The following ENTREP2 variants were observed in gnomAD, a reference collection of about 807,000 sequenced individuals.
The protein encoded by ENTREP2 is protein ENTREP2.
At chr15:29,247,627 A>G in the ENTREP2 span, among the ~76,000 whole-genome samples, 2 of 152,234 alleles carry the variant, frequency 1.3e-5, no homozygotes, top group South Asian at 2.1e-4. Context: ...GCATGCAATG[A>G]TAACACTGGC....
At chr15:29,370,901 A>G in the ENTREP2 span, among the ~76,000 whole-genome samples, 1 of 152,158 alleles carries the variant, frequency 6.6e-6, no homozygotes, top group Non-Finnish European at 1.5e-5. Flanking sequence ...AACACATCAT[A>G]GAAGACACTA....
chr15:29,496,145 T>C, the ENTREP2 span, among the ~76,000 whole-genome samples: 6 of 152,062 alleles, frequency 3.9e-5, no homozygotes, highest in South Asian at 2.1e-4. Context: ...ATTTATGTTA[T>C]TATTTTTGAT....
At chr15:29,568,710 C>CAAAA in the ENTREP2 span, among the ~76,000 whole-genome samples, 30 of 128,240 alleles carry the variant, frequency 2.3e-4, no homozygotes, top group African/African-American at 4.2e-4. Context: ...CCTCTTAAGG[C>CAAAA]AAAAAAAAAA....
At chr15:29,572,717 T>C in the ENTREP2 span, among the ~76,000 whole-genome samples, 1 of 152,054 alleles carries the variant, frequency 6.6e-6, no homozygotes, top group Non-Finnish European at 1.5e-5. Flanking sequence ...TGCCAGGCAC[T>C]GAAGATCGAA....
At chr15:29,364,179 G>GT in the ENTREP2 span, among the ~76,000 whole-genome samples, 214 of 152,340 alleles carry the variant, frequency 1.4e-3, no homozygotes, top group African/African-American at 4.8e-3. Context: ...TTGTACTGCA[G>GT]TAAGTCTTAA....
At chr15:29,637,055 G>A in the ENTREP2 span, among the ~76,000 whole-genome samples, 1 of 152,134 alleles carries the variant, frequency 6.6e-6, no homozygotes, top group East Asian at 1.9e-4. Context: ...CACAGGACAG[G>A]AAGATAAGTA....
chr15:29,151,652 A>G, the ENTREP2 span: 4 of 1,137,700 alleles, frequency 3.5e-6, no homozygotes, highest in Non-Finnish European at 5.2e-6. Context: ...CGCTGTCCTC[A>G]CAGCATCTGG....
the ENTREP2 span, among the ~76,000 whole-genome samples, chr15:29,443,275 T>A: frequency 1.3e-5 from 2 of 152,130 alleles, no homozygotes; most frequent in Non-Finnish European, 2.9e-5. Context: ...ATTGGAATCC[T>A]TCCAACATTC....
chr15:29,499,261 T>C, the ENTREP2 span, among the ~76,000 whole-genome samples: 2 of 152,062 alleles, frequency 1.3e-5, no homozygotes, highest in Admixed American at 6.6e-5. Context: ...GACAATTTTC[T>C]GTAGCAGTAT....
chr15:29,223,488 C>T, the ENTREP2 span, among the ~76,000 whole-genome samples: 4 of 152,138 alleles, frequency 2.6e-5, no homozygotes, highest in Non-Finnish European at 5.9e-5. Flanking sequence ...GACATGCTAG[C>T]GGGGAGTCCA....
chr15:29,217,315 A>G, the ENTREP2 span, among the ~76,000 whole-genome samples: 1 of 152,206 alleles, frequency 6.6e-6, no homozygotes, highest in Non-Finnish European at 1.5e-5. Context: ...TCTCTTAGCT[A>G]AGGAAGAGTC....
the ENTREP2 span, among the ~76,000 whole-genome samples, chr15:29,305,116 C>G: frequency 0.14 from 20,964 of 152,132 alleles, 2,174 homozygotes; most frequent in African/African-American, 0.29. Flanking sequence ...TATCTCAAAT[C>G]CTCAAAACAG....
chr15:29,408,982 CTAAT>C, the ENTREP2 span, among the ~76,000 whole-genome samples: 11 of 152,172 alleles, frequency 7.2e-5, no homozygotes, highest in Non-Finnish European at 1.6e-4. Context: ...CTAAAATATA[CTAAT>C]TATTAATAGA....
chr15:29,465,247 G>A, the ENTREP2 span, among the ~76,000 whole-genome samples: 1 of 152,078 alleles, frequency 6.6e-6, no homozygotes, highest in South Asian at 2.1e-4. Flanking sequence ...GAGCTATGCA[G>A]GGAATGGGGT....
the ENTREP2 span, among the ~76,000 whole-genome samples, chr15:29,400,382 C>T: frequency 6.6e-6 from 1 of 152,274 alleles, no homozygotes; most frequent in South Asian, 2.1e-4. Context: ...AATCCTTAAA[C>T]ATCTACTGGG....
At chr15:29,624,680 T>C in the ENTREP2 span, among the ~76,000 whole-genome samples, 1 of 152,258 alleles carries the variant, frequency 6.6e-6, no homozygotes, top group East Asian at 1.9e-4. Flanking sequence ...TATTTCAAAA[T>C]AATTGGAGAC....
chr15:29,627,731 A>G, the ENTREP2 span, among the ~76,000 whole-genome samples: 22,918 of 152,102 alleles, frequency 0.15, 2,245 homozygotes, highest in African/African-American at 0.27. Flanking sequence ...TACAAGTGAA[A>G]TCATACACTT....
At chr15:29,628,897 G>A in the ENTREP2 span, among the ~76,000 whole-genome samples, 3 of 152,066 alleles carry the variant, frequency 2.0e-5, no homozygotes, top group Non-Finnish European at 1.5e-5. Context: ...TTACAAGTGG[G>A]CGCCAACACA....
chr15:29,264,219 T>TG, the ENTREP2 span, among the ~76,000 whole-genome samples: 83,149 of 148,666 alleles, frequency 0.56, 23,637 homozygotes, highest in South Asian at 0.63. Context: ...TAAATGATGT[T>TG]GGGGCATGTT....
Sources: allele counts gnomAD v4.1 joint callset (sites outside exome capture counted in the v4.1 genomes callset), GRCh38; gene constraint gnomAD v4.1.1; transcripts MANE v1.5; gene names NCBI Gene and HGNC (gene_info 2026-07-23, HGNC 2026-07-21).